CCDC88C: variants seen among roughly 807,000 people sequenced by gnomAD.
CCDC88C encodes the protein protein Daple.
In CCDC88C, 131 loss-of-function variants were observed where a neutral mutation model predicts 198.8. That is an observed-to-expected ratio of 0.66 (90% confidence interval 0.57 to 0.76). CCDC88C has a LOEUF of 0.76. CCDC88C is among the 30% of genes least tolerant of loss of function. The probability of loss-of-function intolerance (pLI) is 0.00; values close to 1 mark genes in which losing one functional copy is unlikely to be tolerated. For synonymous variants in CCDC88C, 1,166 were observed against 1,114.7 expected (o/e 1.05, Z -0.92); for missense variants, 2,553 against 2,631.6 (o/e 0.97, Z 0.65).
chr14:91,325,823 C>T lies in CCDC88C; in HGVS notation c.1197+87G>A, dbSNP rs1892560960. The T allele has an allele frequency of 2.2e-6, 3 of 1,341,806 alleles. No homozygotes were observed. The highest frequency in any genetic ancestry group is 3.1e-6 in the Non-Finnish European group (3 of 981,622). 83.1% of individuals were successfully genotyped at this position (1,341,806 alleles called of 1,614,324 possible). ...CGCTCAAGGGATCCTCCCACCTTAG[C>T]CTCCCAAAGTGCTGGGATTACAGGC... On this transcript the variant is annotated intron_variant, in intron 11 of 29. Coordinates refer to ENST00000389857, the MANE Select transcript of CCDC88C (RefSeq NM_001080414.4). This position sits in a 1 kb window ranked among gnomAD's most constrained non-coding sequence, Gnocchi z 4.1.
intron 3 of CCDC88C, among the ~76,000 whole-genome samples, chr14:91,360,733 A>G (rs767455492): frequency 6.6e-6 from 1 of 152,220 alleles, no homozygotes; most frequent in Non-Finnish European, 1.5e-5. Flanking sequence ...GTCTGGGTAC[A>G]GGCTCTCCTC....
At chr14:91,295,514 C>A (rs898059311) in intron 22 of CCDC88C, among the ~76,000 whole-genome samples, 1 of 152,130 alleles carries the variant, frequency 6.6e-6, no homozygotes, top group African/African-American at 2.4e-5. Flanking sequence ...CCGGGGGGGC[C>A]CCAGGGAACC....
At chr14:91,379,910 A>AACGC in intron 3 of CCDC88C, 1 of 703,064 alleles carries the variant, frequency 1.4e-6, no homozygotes, top group Non-Finnish European at 2.6e-6. Flanking sequence ...AGAAGATTTT[A>AACGC]CTAAAGGAAA....
rs2139857618 is a variant in CCDC88C at position 91,338,272 on chromosome 14, A to G, written c.892-109T>C. On this transcript the variant is annotated intron_variant, in intron 9 of 29. Transcript: ENST00000389857. This position sits in a 1 kb window ranked among gnomAD's most constrained non-coding sequence, Gnocchi z 4.8. ...TCTCCACGACGGCCCAGGACAAGCC[A>G]GCTCCTGGTGGCCGGGGGCCTCCAT... 5 of 1,378,964 alleles carry G rather than the reference A, an allele frequency of 3.6e-6. No individual in the cohort carries two copies. The East Asian group carries it at 1.2e-4, about 33-fold the overall frequency. The allele number at this position is 1,378,964 out of a possible 1,614,324, so 85.4% of individuals were successfully genotyped here.
chr14:91,340,282 AT>A (rs2139862929), intron 6 of CCDC88C, among the ~76,000 whole-genome samples: 1 of 152,288 alleles, frequency 6.6e-6, no homozygotes, highest in African/African-American at 2.4e-5. Flanking sequence ...ACGCCTCACA[AT>A]TATTTCCCTA....
In CCDC88C at chr14:91,313,723, T is replaced by C. The variant is rs1482253810; in HGVS notation, c.2093A>G (p.Asp698Gly). Residue 698 changes from aspartate to glycine, a missense_variant, in exon 15 of 30, where the codon GAC becomes GGC. By Grantham distance (94) the Asp-to-Gly change is moderately conservative. This residue lies in a region of CCDC88C where 1,260 missense variants were observed against 1,412.0 expected (regional missense o/e 0.89). Coordinates refer to ENST00000389857, the MANE Select transcript of CCDC88C (RefSeq NM_001080414.4). This position sits in a 1 kb window ranked among gnomAD's most constrained non-coding sequence, Gnocchi z 5.2. ...GTTCTCTGCGTCCAGCTGCTTGTTG[T>C]CACGCTCCAGGCCCTCAAGCTGCAG... is the stretch of plus-strand genomic sequence containing the variant. Reference protein sequence around the residue: ...VSLQLEGLERDNKQLDAENLE... With the variant: ...VSLQLEGLERGNKQLDAENLE... 2 of 1,610,232 alleles carry C rather than the reference T, an allele frequency of 1.2e-6. No homozygotes were observed. Among genetic ancestry groups the C allele is most frequent in the Non-Finnish European group, 1.7e-6 (2 of 1,179,844 alleles).
rs201393695 is a variant in CCDC88C, at chr14:91,273,626, G to A, written c.5086C>T (p.Leu1696=). The part of the protein sequence containing the change: ...HDTPSCRDDL[L]SDYFRKASDP... Reference sequence around the variant, plus strand: ...CTGGCCTTTCGGAAGTAGTCACTCAGCAGGTCATCCCGGCAACTGGGAGTG... The same window carrying A: ...CTGGCCTTTCGGAAGTAGTCACTCAACAGGTCATCCCGGCAACTGGGAGTG... Residue 1696 remains leucine, a synonymous_variant, in exon 30 of 30, where the codon CTG becomes TTG. Coordinates refer to ENST00000389857, the MANE Select transcript of CCDC88C (RefSeq NM_001080414.4). This position sits in a 1 kb window ranked among gnomAD's most constrained non-coding sequence, Gnocchi z 5.6. 8.8e-5 allele frequency: 131 copies of A among 1,485,842 alleles called. No homozygotes were observed. The African/African-American group carries it at 1.4e-3, about 16-fold the overall frequency. The allele number at this position is 1,485,842 out of a possible 1,614,324, so 92.0% of individuals were successfully genotyped here.
intron 4 of CCDC88C, among the ~76,000 whole-genome samples, chr14:91,359,142 C>T (rs377162441): frequency 1.4e-5 from 2 of 144,190 alleles, no homozygotes; most frequent in Admixed American, 7.0e-5. Context: ...CACATCTGAG[C>T]GGTTGGGAGG....
Position 91,272,335 on chromosome 14 carries a change from A to T in CCDC88C, c.*290T>A, listed in dbSNP as rs1889769390. ...AGTAGTGTCTGCTTTGGGGGAAGTC[A>T]GTTTGTCATTGCATCCTAATTGGTC... On this transcript the variant is annotated 3_prime_UTR_variant, in exon 30 of 30. Coordinates refer to ENST00000389857, the MANE Select transcript of CCDC88C (RefSeq NM_001080414.4). 6.9e-6 allele frequency: 3 copies of T among 435,896 alleles called. No individual in the cohort carries two copies. The highest frequency in any genetic ancestry group is 6.2e-5 in the African/African-American group (3 of 48,734). The allele number at this position is 435,896 out of a possible 1,614,324, so 27.0% of individuals were successfully genotyped here.
At chr14:91,301,553 T>C (rs571539813) in intron 20 of CCDC88C, among the ~76,000 whole-genome samples, 4 of 152,182 alleles carry the variant, frequency 2.6e-5, no homozygotes, top group African/African-American at 9.6e-5. Context: ...CCATCTCTAC[T>C]AAAAAATACA....
At chr14:91,295,549 G>C (rs34721398) in intron 22 of CCDC88C, among the ~76,000 whole-genome samples, 1 of 152,192 alleles carries the variant, frequency 6.6e-6, no homozygotes, top group African/African-American at 2.4e-5. Context: ...CCACCCTTCA[G>C]CCCAAGTCCA....
At position 91,381,162 on chromosome 14, in the gene CCDC88C, T is replaced by C. The variant is rs1484262028; in HGVS notation, c.271-21451A>G. ...TCAGGGGCTCCCAGAGAAGCACCTG[T>C]GGGTGGGCAGAACTGAAAGGTGTGG... On this transcript the variant is annotated intron_variant, in intron 3 of 29. Transcript: ENST00000389857. The surrounding 1 kb of genome is among the most constrained non-coding windows in gnomAD (Gnocchi z 4.2). 2.0e-5 allele frequency among the ~76,000 whole-genome samples: 3 copies of C among 152,088 alleles called. No homozygotes were observed. Among genetic ancestry groups the C allele is most frequent in the Non-Finnish European group, 4.4e-5 (3 of 68,012 alleles).
At chr14:91,311,500 C>T (rs1045703634) in intron 15 of CCDC88C, among the ~76,000 whole-genome samples, 11 of 152,270 alleles carry the variant, frequency 7.2e-5, no homozygotes, top group Non-Finnish European at 8.8e-5. Context: ...CACCACAGGC[C>T]GAGGAACCAG....
chr14:91,401,618 A>C (rs1337420186), intron 3 of CCDC88C, among the ~76,000 whole-genome samples: 6 of 152,064 alleles, frequency 3.9e-5, no homozygotes. Context: ...TACAGGCGTG[A>C]GCCACCGCAC....
At chr14:91,330,494 A>C (rs776110247) in intron 10 of CCDC88C, among the ~76,000 whole-genome samples, 1 of 152,240 alleles carries the variant, frequency 6.6e-6, no homozygotes, top group Admixed American at 6.5e-5. Context: ...CTCCGCAGGC[A>C]GACTCTGGAG....
chr14:91,313,345 T>G lies in CCDC88C; in HGVS notation c.2471A>C (p.Glu824Ala), dbSNP rs1439699975. ...CTTCTCGAGCTGGGCCACCTCCTGC[T>G]CCAGGGCCTTCCTGTCCTTCTCGGC... ...EGAEKDRKAL[E>A]QEVAQLEKDK... Residue 824 changes from glutamate to alanine, a missense_variant, in exon 15 of 30, where the codon GAG (glutamate) becomes GCG (alanine). This residue lies in a region of CCDC88C where 1,260 missense variants were observed against 1,412.0 expected (regional missense o/e 0.89). Transcript: ENST00000389857. The surrounding 1 kb of genome is among the most constrained non-coding windows in gnomAD (Gnocchi z 5.2). The G allele has an allele frequency of 6.2e-7, 1 of 1,612,432 alleles. No individual in the cohort carries two copies. The highest frequency in any genetic ancestry group is 1.3e-5 in the African/African-American group (1 of 74,922).
chr14:91,408,433 G>A (rs1567127808), intron 3 of CCDC88C: 2 of 497,970 alleles, frequency 4.0e-6, no homozygotes, highest in Non-Finnish European at 7.4e-6. Flanking sequence ...CATATAGCAC[G>A]ATGCTACACA....
intron 25 of CCDC88C, 62 bp from the exon 26 acceptor site, chr14:91,283,579 CA>C (rs1325268520): frequency 6.7e-7 from 1 of 1,483,332 alleles, no homozygotes; most frequent in Non-Finnish European, 9.2e-7. Context: ...GCTGGGAAAC[CA>C]CACCATGGCC....
intron 3 of CCDC88C, among the ~76,000 whole-genome samples, chr14:91,393,392 C>T (rs544949430): frequency 6.6e-6 from 1 of 152,132 alleles, no homozygotes; most frequent in Non-Finnish European, 1.5e-5. Context: ...GCAACCTGAG[C>T]GAATTCTACC....
Sources: gnomAD v4.1 joint callset for allele counts (sites outside exome capture counted in the v4.1 genomes callset) on GRCh38, gnomAD v4.1.1 for gene constraint, gnomAD v4.1.1 regional missense constraint, Gnocchi (gnomAD v3.1) non-coding constraint, MANE v1.5 for transcripts, NCBI Gene and HGNC (gene_info 2026-07-23, HGNC 2026-07-21) for gene names.